Variants in ZDHHC21 observed in about 807,000 individuals in gnomAD.
ZDHHC21 encodes the protein palmitoyltransferase ZDHHC21.
In ZDHHC21, 15 loss-of-function variants were observed where a neutral mutation model predicts 34.6. That is an observed-to-expected ratio of 0.43 (90% CI 0.29 to 0.67). The LOEUF (loss-of-function observed/expected upper bound fraction) is 0.67. Ranked by LOEUF, ZDHHC21 falls within the 30% of genes least tolerant of loss-of-function variation. The pLI is 0.14. For synonymous variants in ZDHHC21, 142 were observed against 101.8 expected, an observed-to-expected ratio of 1.40 and a Z score of -2.38; for missense variants, 344 against 327.7, an observed-to-expected ratio of 1.05 and a Z score of -0.38.
At chr9:14,680,468 T>A (rs971501725) in intron 2 of ZDHHC21, among the ~76,000 whole-genome samples, 28 of 152,196 alleles carry the variant, frequency 1.8e-4, no homozygotes, top group African/African-American at 6.5e-4. Flanking sequence ...ACACACTTCC[T>A]TGACCACAAA....
At chr9:14,630,030 G>A (rs1208112438) in intron 8 of ZDHHC21, among the ~76,000 whole-genome samples, 2 of 152,174 alleles carry the variant, frequency 1.3e-5, no homozygotes, top group Non-Finnish European at 2.9e-5. Flanking sequence ...TGGCGACAGA[G>A]AGAGACTCCA....
intron 7 of ZDHHC21, among the ~76,000 whole-genome samples, chr9:14,644,411 A>AATG (rs1829929340): frequency 6.6e-6 from 1 of 152,068 alleles, no homozygotes; most frequent in Non-Finnish European, 1.5e-5. Context: ...TAAGAATAAT[A>AATG]ATGGTGATAG....
chr9:14,676,376 G>C (rs1836379517), intron 3 of ZDHHC21, among the ~76,000 whole-genome samples: 1 of 151,792 alleles, frequency 6.6e-6, no homozygotes, highest in Non-Finnish European at 1.5e-5. Context: ...TCCCTTAGAG[G>C]CCTTGCCCAT....
chr9:14,609,107 A>C (rs1423987170), downstream of ZDHHC21, among the ~76,000 whole-genome samples: 1 of 152,106 alleles, frequency 6.6e-6, no homozygotes, highest in Non-Finnish European at 1.5e-5. Context: ...AAGCCAAATT[A>C]ACTAGATTAA....
chr9:14,595,031 A>C, the ZDHHC21 span, among the ~76,000 whole-genome samples: 1 of 152,218 alleles, frequency 6.6e-6, no homozygotes, highest in Non-Finnish European at 1.5e-5. Context: ...TTATTAGTGC[A>C]GATGTGGAAA....
At chr9:14,654,463 A>C (rs568738010) in intron 7 of ZDHHC21, among the ~76,000 whole-genome samples, 13 of 152,182 alleles carry the variant, frequency 8.5e-5, no homozygotes, top group African/African-American at 3.1e-4. Flanking sequence ...TTGTCATGCA[A>C]AATGCTCAGT....
intron 2 of ZDHHC21, among the ~76,000 whole-genome samples, chr9:14,687,465 G>C (rs1838502325): frequency 1.3e-5 from 2 of 150,712 alleles, no homozygotes; most frequent in Non-Finnish European, 2.9e-5. Flanking sequence ...GAGGTCAGGA[G>C]TTTGAGGCTG....
chr9:14,671,661 G>A (rs1835468955), intron 5 of ZDHHC21, among the ~76,000 whole-genome samples: 1 of 151,888 alleles, frequency 6.6e-6, no homozygotes, highest in Non-Finnish European at 1.5e-5. Context: ...CATGGCTCTA[G>A]TAATGACAAA....
intron 2 of ZDHHC21, among the ~76,000 whole-genome samples, chr9:14,680,745 G>C (rs1046491441): frequency 3.3e-5 from 5 of 151,994 alleles, no homozygotes; most frequent in African/African-American, 1.2e-4. Context: ...TTTAACACAG[G>C]GTATAGATGA....
At chr9:14,595,571 C>CA in the ZDHHC21 span, among the ~76,000 whole-genome samples, 3 of 151,992 alleles carry the variant, frequency 2.0e-5, no homozygotes, top group Non-Finnish European at 4.4e-5. Flanking sequence ...ACATTTACTA[C>CA]AAAATATTCA....
intron 7 of ZDHHC21, among the ~76,000 whole-genome samples, chr9:14,655,348 G>A (rs576681458): frequency 1.3e-5 from 2 of 151,928 alleles, no homozygotes; most frequent in South Asian, 2.1e-4. Flanking sequence ...TGCACTAAAA[G>A]CAGAAAAAAT....
intron 3 of ZDHHC21, among the ~76,000 whole-genome samples, chr9:14,679,709 A>G (rs1432661659): frequency 1.3e-5 from 2 of 152,174 alleles, no homozygotes; most frequent in African/African-American, 2.4e-5. Context: ...CTTTGTCACT[A>G]TATATTATCC....
the ZDHHC21 span, among the ~76,000 whole-genome samples, chr9:14,590,338 A>G: frequency 6.6e-6 from 1 of 152,248 alleles, no homozygotes; most frequent in East Asian, 1.9e-4. Context: ...TTTAGGAGTA[A>G]GGAATTGGAC....
intron 7 of ZDHHC21, among the ~76,000 whole-genome samples, chr9:14,658,464 C>CTTTT (rs769819264): frequency 0.31 from 20,387 of 65,346 alleles, 8,855 homozygotes; most frequent in Non-Finnish European, 0.35. Flanking sequence ...ATAAACATTT[C>CTTTT]TTTTTTTTTT....
chr9:14,601,724 T>C, the ZDHHC21 span, among the ~76,000 whole-genome samples: 2 of 152,158 alleles, frequency 1.3e-5, no homozygotes, highest in Admixed American at 6.5e-5. Flanking sequence ...CAATTCATAA[T>C]AGCAAAAACT....
At chr9:14,625,150 T>G (rs1236183736) in intron 8 of ZDHHC21, among the ~76,000 whole-genome samples, 3 of 152,076 alleles carry the variant, frequency 2.0e-5, no homozygotes, top group African/African-American at 7.2e-5. Context: ...ATGGTCAACT[T>G]AATATAAATT....
the ZDHHC21 span, among the ~76,000 whole-genome samples, chr9:14,595,252 C>A: frequency 6.6e-6 from 1 of 152,084 alleles, no homozygotes; most frequent in Non-Finnish European, 1.5e-5. Context: ...AAACTGAAAG[C>A]AATCCACATG....
rs541647090 is a variant in ZDHHC21 at position 14,687,602 on chromosome 9, C to G, written c.-176+2735G>C. The stretch of plus-strand genomic sequence containing the variant: ...ACGAGAATCGCTTGAAGCTTGAACC[C>G]AGGAGGCAGAAGCCGCAGTGAGCAG... On this transcript the variant is annotated intron_variant, in intron 2 of 9. Coordinates refer to ENST00000380916, the MANE Select transcript of ZDHHC21 (RefSeq NM_178566.6). 9.9e-5 allele frequency among the ~76,000 whole-genome samples: 15 copies of G among 150,944 alleles called. No individual in the cohort carries two copies. The East Asian group carries it at 1.7e-3, about 17-fold the overall frequency.
chr9:14,619,052 C>T lies in ZDHHC21; in HGVS notation c.712G>A (p.Gly238Ser). 1 of 1,611,972 alleles carries T rather than the reference C, an allele frequency of 6.2e-7. No individual in the cohort carries two copies. The highest frequency in any genetic ancestry group is 8.5e-7 in the Non-Finnish European group (1 of 1,178,938). Residue 238 changes from glycine (G) to serine (S), a missense_variant, in exon 10 of 10, where the codon GGC (glycine) becomes AGC (serine). Gly to Ser is a moderately conservative substitution (Grantham distance 56). Transcript: ENST00000380916. ...AACCACAGGATCTTCCAACGAGTGC[C>T]AAAAACTTCTGAGAAGGTCTGCTGC... is the stretch of plus-strand genomic sequence containing the variant. Reference protein sequence around the residue: ...PWQQTFSEVFGTRWKILWFIP... With the variant: ...PWQQTFSEVFSTRWKILWFIP...
Sources: allele counts gnomAD v4.1 joint callset (sites outside exome capture counted in the v4.1 genomes callset), GRCh38; gene constraint gnomAD v4.1.1; transcripts MANE v1.5; gene names NCBI Gene and HGNC (gene_info 2026-07-23, HGNC 2026-07-21).